The following PCDHGA3 variants were observed in gnomAD, a reference collection of about 807,000 sequenced individuals.
PCDHGA3 encodes protocadherin gamma subfamily A, 3, also known as protocadherin gamma-A3.
PCDHGA3 carries 40 observed loss-of-function variants against 58.5 expected under a neutral mutation model. The observed-to-expected ratio is 0.68, with a 90% CI of 0.53 to 0.89. The LOEUF (loss-of-function observed/expected upper bound fraction) is 0.89. PCDHGA3 is among the 40% of genes least tolerant of loss of function. The pLI is 0.00. For synonymous variants in PCDHGA3, 530 were observed against 525.7 expected (o/e 1.01, Z -0.11); for missense variants, 1,223 against 1,195.9 (o/e 1.02, Z -0.33).
chr5:141,486,400 T>G lies in PCDHGA3; in HGVS notation c.2425-8407T>G. On this transcript the variant is annotated intron_variant, in intron 1 of 3. Transcript: ENST00000253812. This position sits in a 1 kb window ranked among gnomAD's most constrained non-coding sequence, Gnocchi z 5.0. Reference sequence around the variant, plus strand: ...TCAGGAACCAGTTCTCCCTGGTGACTGCTGGACCCTTGGATCGAGAGGCCA... The same window carrying G: ...TCAGGAACCAGTTCTCCCTGGTGACGGCTGGACCCTTGGATCGAGAGGCCA... 5.0e-6 allele frequency: 8 copies of G among 1,614,194 alleles called. No homozygotes were observed. The highest frequency in any genetic ancestry group is 6.8e-6 in the Non-Finnish European group (8 of 1,180,028).
intron 1 of PCDHGA3, among the ~76,000 whole-genome samples, chr5:141,436,923 T>C (rs2097854286): frequency 6.6e-6 from 1 of 152,224 alleles, no homozygotes; most frequent in African/African-American, 2.4e-5. Flanking sequence ...GAGTGTTACT[T>C]TTTCTTTGTC....
At position 141,346,212 on chromosome 5, in the gene PCDHGA3, G is replaced by A; in HGVS notation, c.2179G>A (p.Ala727Thr). The A allele has an allele frequency of 6.2e-7, 1 of 1,614,182 alleles. No homozygotes were observed. Among genetic ancestry groups the A allele is most frequent in the Non-Finnish European group, 8.5e-7 (1 of 1,180,026 alleles). ...CTGGCACAAGTCACGCCTGCTGCAG[G>A]CTTCGGGAGGCGGCTTGGCGAGTAC... ...RRWHKSRLLQ[A>T]SGGGLASTPG... Residue 727 changes from alanine (A) to threonine (T), a missense_variant, in exon 1 of 4, where the codon GCT becomes ACT. Ala to Thr is a moderately conservative substitution (Grantham distance 58). Coordinates refer to ENST00000253812, the MANE Select transcript of PCDHGA3 (RefSeq NM_018916.4).
At chr5:141,412,233 A>T (rs866840267) in intron 1 of PCDHGA3, 1 of 152,256 alleles carries the variant, frequency 6.6e-6, no homozygotes, top group Non-Finnish European at 1.5e-5. Context: ...TTAAAAACCT[A>T]TATCACTACA....
At chr5:141,501,328 CA>C (rs1446948770) in intron 2 of PCDHGA3, among the ~76,000 whole-genome samples, 83 of 151,828 alleles carry the variant, frequency 5.5e-4, no homozygotes, top group Admixed American at 2.2e-3. Context: ...CACACACACA[CA>C]CACACCCCAA....
intron 1 of PCDHGA3, chr5:141,367,099 T>A (rs1197346861): frequency 4.0e-6 from 1 of 250,422 alleles, no homozygotes; most frequent in Admixed American, 5.1e-5. Context: ...CTTTTGAGTG[T>A]CTGCCTAGAC....
At chr5:141,482,513 A>C (rs552094845) in intron 1 of PCDHGA3, among the ~76,000 whole-genome samples, 1 of 143,798 alleles carries the variant, frequency 7.0e-6, no homozygotes, top group East Asian at 2.1e-4. Flanking sequence ...CCCAGAGTAC[A>C]GTATGAGACA....
At chr5:141,469,886 T>A (rs766990419) in intron 1 of PCDHGA3, among the ~76,000 whole-genome samples, 4 of 152,208 alleles carry the variant, frequency 2.6e-5, no homozygotes, top group Non-Finnish European at 4.4e-5. Context: ...ATCTCGGCAC[T>A]TTGGGAAGCC....
intron 3 of PCDHGA3, among the ~76,000 whole-genome samples, chr5:141,508,789 A>C: frequency 1.4e-5 from 2 of 145,944 alleles, no homozygotes; most frequent in African/African-American, 2.6e-5. Context: ...CCCCTAAATC[A>C]CTCTGGAATC....
intron 2 of PCDHGA3, among the ~76,000 whole-genome samples, chr5:141,496,180 GC>G (rs1054381604): frequency 1.4e-4 from 21 of 151,922 alleles, no homozygotes; most frequent in Non-Finnish European, 2.9e-4. Flanking sequence ...CATCCAAGCA[GC>G]CCCAGCTGCT....
chr5:141,356,449 G>T (rs369918010), intron 1 of PCDHGA3: 30 of 1,612,926 alleles, frequency 1.9e-5, no homozygotes, highest in Non-Finnish European at 2.3e-5. Flanking sequence ...AGAAGTCTCA[G>T]AATATAACAT....
At chr5:141,461,501 T>G (rs113852528) in intron 1 of PCDHGA3, among the ~76,000 whole-genome samples, 1 of 152,310 alleles carries the variant, frequency 6.6e-6, no homozygotes, top group South Asian at 2.1e-4. Flanking sequence ...TTATTTTTCT[T>G]GGTGATTTGT....
intron 1 of PCDHGA3, chr5:141,419,377 C>T: frequency 6.2e-6 from 10 of 1,613,690 alleles, no homozygotes; most frequent in Admixed American, 3.3e-5. Flanking sequence ...CCTACGTGTC[C>T]GTGAGCGCGC....
chr5:141,356,629 C>A (rs539223559), intron 1 of PCDHGA3: 1 of 1,614,188 alleles, frequency 6.2e-7, no homozygotes, highest in African/African-American at 1.3e-5. Context: ...TATGACTGCT[C>A]AAGACCCTGA....
chr5:141,351,766 C>A lies in PCDHGA3; in HGVS notation c.2424+5309C>A, dbSNP rs754880046. ...CGCGGGAGCTGTTGTCCTACGTGTC[C>A]GTGAGCCCGCAGAGCGGGGTGGTGT... On this transcript the variant is annotated intron_variant, in intron 1 of 3. Coordinates refer to ENST00000253812, the MANE Select transcript of PCDHGA3 (RefSeq NM_018916.4). The A allele has an allele frequency of 1.9e-5, 31 of 1,613,408 alleles. No individual in the cohort carries two copies. In the East Asian group the frequency reaches 6.5e-4, roughly 34 times the overall value.
rs1394484191 is a variant in PCDHGA3 at position 141,486,006 on chromosome 5, C to T, written c.2425-8801C>T. The T allele has an allele frequency of 6.2e-7, 1 of 1,614,190 alleles. No individual in the cohort carries two copies. Among genetic ancestry groups the T allele is most frequent in the Non-Finnish European group, 8.5e-7 (1 of 1,180,026 alleles). Reference sequence around the variant, plus strand: ...GACCTGGGTCCCAGTGGTAACGTCACCTTTTATTTCAGTGGTCATACCCCT... The same window carrying T: ...GACCTGGGTCCCAGTGGTAACGTCATCTTTTATTTCAGTGGTCATACCCCT... On this transcript the variant is annotated intron_variant, in intron 1 of 3. Coordinates refer to ENST00000253812, the MANE Select transcript of PCDHGA3 (RefSeq NM_018916.4). This position sits in a 1 kb window ranked among gnomAD's most constrained non-coding sequence, Gnocchi z 5.0.
At chr5:141,393,348 T>G in intron 1 of PCDHGA3, 1 of 1,613,848 alleles carries the variant, frequency 6.2e-7, no homozygotes, top group Non-Finnish European at 8.5e-7. Context: ...TCACCACTTC[T>G]CCCTGGACGT....
chr5:141,415,461 T>C, intron 1 of PCDHGA3: 5 of 1,614,180 alleles, frequency 3.1e-6, no homozygotes, highest in Non-Finnish European at 4.2e-6. Context: ...ACGAGGTCTC[T>C]CTCACCGCGG....
At chr5:141,389,445 G>C in intron 1 of PCDHGA3, 3 of 1,610,528 alleles carry the variant, frequency 1.9e-6, no homozygotes, top group Non-Finnish European at 2.5e-6. Flanking sequence ...CTTCGACCAC[G>C]AGCAGCTGCG....
At chr5:141,455,984 G>A (rs1405675950) in intron 1 of PCDHGA3, among the ~76,000 whole-genome samples, 2 of 151,492 alleles carry the variant, frequency 1.3e-5, no homozygotes, top group East Asian at 1.9e-4. Context: ...TGCAAGCTCC[G>A]CCTCTCGGGT....
Sources: allele counts gnomAD v4.1 joint callset (sites outside exome capture counted in the v4.1 genomes callset), GRCh38; gene constraint gnomAD v4.1.1; non-coding constraint Gnocchi (gnomAD v3.1); transcripts MANE v1.5; gene names NCBI Gene and HGNC (gene_info 2026-07-23, HGNC 2026-07-21).